CDC42EP3: variants seen among roughly 807,000 people sequenced by gnomAD.
CDC42EP3 encodes CDC42 effector protein 3.
Under a neutral mutation model 15.5 loss-of-function variants are expected in CDC42EP3, and 4 were observed. That is an observed-to-expected ratio of 0.26 (90% CI 0.13 to 0.59). CDC42EP3 has a LOEUF of 0.59. CDC42EP3 is among the 20% of genes least tolerant of loss of function. CDC42EP3 has a pLI of 0.89. For missense variants in CDC42EP3, 309 were observed against 311.2 expected, an observed-to-expected ratio of 0.99 and a Z score of 0.05; for synonymous variants, 145 against 130.3, an observed-to-expected ratio of 1.11 and a Z score of -0.77.
chr2:37,649,747 A>T (rs1243611229), intron 1 of CDC42EP3, among the ~76,000 whole-genome samples: 6 of 152,112 alleles, frequency 3.9e-5, no homozygotes, highest in African/African-American at 1.4e-4. Flanking sequence ...GGGGCCTCCA[A>T]CCAGAGGCTC....
At chr2:37,664,894 CACTGGGGCCTA>C (rs992072701) in intron 1 of CDC42EP3, among the ~76,000 whole-genome samples, 26 of 152,038 alleles carry the variant, frequency 1.7e-4, no homozygotes, top group African/African-American at 6.3e-4. Context: ...AAACAACAGA[CACTGGGGCCTA>C]ATTGAGGGGG....
intron 1 of CDC42EP3, among the ~76,000 whole-genome samples, chr2:37,667,928 G>T (rs1258825679): frequency 6.6e-6 from 1 of 152,162 alleles, no homozygotes; most frequent in East Asian, 1.9e-4. Flanking sequence ...TTCTCATCTG[G>T]AAAAGAAGAG....
chr2:37,649,457 A>C, intron 1 of CDC42EP3, among the ~76,000 whole-genome samples: 1 of 97,990 alleles, frequency 1.0e-5, no homozygotes, highest in African/African-American at 6.0e-5. Context: ...AAAAAAAAAA[A>C]AAAAAAAAAA....
intron 1 of CDC42EP3, among the ~76,000 whole-genome samples, chr2:37,656,994 C>A (rs1558340430): frequency 9.9e-6 from 1 of 100,862 alleles, no homozygotes; most frequent in African/African-American, 4.9e-5. Context: ...CCCCCCACCC[C>A]CCGCCCCCCG....
At chr2:37,649,325 C>T (rs1665588309) in intron 1 of CDC42EP3, among the ~76,000 whole-genome samples, 1 of 151,464 alleles carries the variant, frequency 6.6e-6, no homozygotes, top group Non-Finnish European at 1.5e-5. Context: ...AATGGTAGCA[C>T]ACACCTGCAG....
chr2:37,655,381 A>C (rs1665814817), intron 1 of CDC42EP3, among the ~76,000 whole-genome samples: 1 of 152,250 alleles, frequency 6.6e-6, no homozygotes, highest in African/African-American at 2.4e-5. Context: ...ATTTGTGTAC[A>C]CGTCTCATTT....
At chr2:37,662,538 C>T (rs941998555) in intron 1 of CDC42EP3, among the ~76,000 whole-genome samples, 29 of 152,102 alleles carry the variant, frequency 1.9e-4, no homozygotes, top group African/African-American at 6.0e-4. Context: ...TAGTCTAATT[C>T]CCCATTCTGA....
rs963620949 is a variant in CDC42EP3, at chr2:37,645,253, A to C, written c.*570T>G. 5 of 152,680 alleles carry C rather than the reference A, an allele frequency of 3.3e-5. No homozygotes were observed. Among genetic ancestry groups the C allele is most frequent in the African/African-American group, 1.2e-4 (5 of 41,454 alleles). 9.5% of individuals were successfully genotyped at this position (152,680 alleles called of 1,614,324 possible). On this transcript the variant is annotated 3_prime_UTR_variant, in exon 2 of 2. Transcript: ENST00000295324. ...CTTACCAACATGTAGCTGACAGTCA[A>C]AATTTTGCAATATAGATATAATATA...
chr2:37,650,787 G>C (rs1665647955), intron 1 of CDC42EP3, among the ~76,000 whole-genome samples: 1 of 152,238 alleles, frequency 6.6e-6, no homozygotes, highest in Non-Finnish European at 1.5e-5. Flanking sequence ...GTGCTGGGCT[G>C]ATGAGGATGG....
At chr2:37,655,601 A>G (rs1665822841) in intron 1 of CDC42EP3, among the ~76,000 whole-genome samples, 1 of 152,180 alleles carries the variant, frequency 6.6e-6, no homozygotes, top group Non-Finnish European at 1.5e-5. Context: ...TGCCTGGTTC[A>G]TTTATCAGGA....
intron 1 of CDC42EP3, among the ~76,000 whole-genome samples, chr2:37,658,424 G>A (rs550109794): frequency 1.3e-5 from 2 of 152,250 alleles, no homozygotes; most frequent in East Asian, 3.9e-4. Flanking sequence ...ATTGTACAAT[G>A]GATTGGAAAT....
At chr2:37,668,027 T>C (rs1666298081) in intron 1 of CDC42EP3, among the ~76,000 whole-genome samples, 1 of 152,244 alleles carries the variant, frequency 6.6e-6, no homozygotes, top group Non-Finnish European at 1.5e-5. Flanking sequence ...ACCCCATATA[T>C]ACTATGTTGT....
chr2:37,659,973 A>G (rs1336032670), intron 1 of CDC42EP3, among the ~76,000 whole-genome samples: 2 of 152,222 alleles, frequency 1.3e-5, no homozygotes, highest in East Asian at 3.8e-4. Context: ...ACTATGAGCC[A>G]GCCCTGTAAG....
chr2:37,664,045 G>A (rs1452476774), intron 1 of CDC42EP3, among the ~76,000 whole-genome samples: 1 of 152,132 alleles, frequency 6.6e-6, no homozygotes, highest in Non-Finnish European at 1.5e-5. Context: ...GTTGTGGAGG[G>A]TGCCTGTAGT....
chr2:37,650,901 A>G (rs1339734452), intron 1 of CDC42EP3, among the ~76,000 whole-genome samples: 2 of 152,196 alleles, frequency 1.3e-5, no homozygotes, highest in Non-Finnish European at 2.9e-5. Flanking sequence ...ATGCCCTCTG[A>G]CCTCAGATTG....
intron 1 of CDC42EP3, among the ~76,000 whole-genome samples, chr2:37,669,550 A>C (rs1666343400): frequency 6.6e-6 from 1 of 152,250 alleles, no homozygotes; most frequent in African/African-American, 2.4e-5. Flanking sequence ...AGATACGTGA[A>C]ACAATTTCAC....
In CDC42EP3 at chr2:37,646,339, C is replaced by G; in HGVS notation, c.249G>C (p.Glu83Asp). Residue 83 changes from glutamate to aspartate, a missense_variant, in exon 2 of 2, where the codon GAG (glutamate) becomes GAC (aspartate). Transcript: ENST00000295324. The stretch of plus-strand genomic sequence containing the variant: ...CCGAGGTGCTGTTGGCCCGGAAGAA[C>G]TCATTATGCCCAGGGAACTGGCCCA... The part of the protein sequence containing the change: ...AHLGQFPGHN[E>D]FFRANSTSDS... The G allele has an allele frequency of 6.2e-7, 1 of 1,614,038 alleles. No homozygotes were observed. Among genetic ancestry groups the G allele is most frequent in the Non-Finnish European group, 8.5e-7 (1 of 1,179,958 alleles).
rs1665286572 is a variant in CDC42EP3, at chr2:37,642,112, T to C, written c.*3711A>G. 6.6e-6 allele frequency: 1 copy of C among 152,182 alleles called. No individual in the cohort carries two copies. The highest frequency in any genetic ancestry group is 2.1e-4 in the South Asian group (1 of 4,830). The allele number at this position is 152,182 out of a possible 1,614,324, so 9.4% of individuals were successfully genotyped here. A position where few individuals can be genotyped will look rare whatever the true frequency, so the allele number is the denominator to read the frequency against. ...CTTGCTCTAAGAATAAGGTCAACAT[T>C]AAACATTCTCAGATGAAAAGCTTGC... On this transcript the variant is annotated 3_prime_UTR_variant, in exon 2 of 2. Coordinates refer to ENST00000295324, the MANE Select transcript of CDC42EP3 (RefSeq NM_006449.5).
At chr2:37,649,988 T>G (rs114397838) in intron 1 of CDC42EP3, among the ~76,000 whole-genome samples, 1 of 152,132 alleles carries the variant, frequency 6.6e-6, no homozygotes, top group Non-Finnish European at 1.5e-5. Flanking sequence ...TCTAGGACTA[T>G]AGAAAAAAAT....
Sources: allele counts gnomAD v4.1 joint callset (sites outside exome capture counted in the v4.1 genomes callset), GRCh38; gene constraint gnomAD v4.1.1; transcripts MANE v1.5; gene names NCBI Gene and HGNC (gene_info 2026-07-23, HGNC 2026-07-21).